Variants in DRAXIN observed in about 807,000 individuals in gnomAD.
DRAXIN encodes dorsal inhibitory axon guidance protein.
DRAXIN carries 27 observed loss-of-function variants against 33.9 expected under a neutral mutation model. The ratio of observed to expected loss-of-function variants is 0.80; its 90% confidence interval spans 0.59 to 1.10. The LOEUF (loss-of-function observed/expected upper bound fraction) is 1.10, where lower values mean the gene tolerates loss of function less well. Among genes scored for constraint, DRAXIN ranks in the 50% least tolerant of loss-of-function variants. The probability of loss-of-function intolerance (pLI) is 0.00; values close to 1 mark genes in which losing one functional copy is unlikely to be tolerated. For synonymous variants in DRAXIN, 178 were observed against 194.0 expected (o/e 0.92, Z 0.69); for missense variants, 371 against 460.8 (o/e 0.81, Z 1.78).
chr1:11,687,193 A>G (rs972213816), upstream of DRAXIN, among the ~76,000 whole-genome samples: 3 of 152,038 alleles, frequency 2.0e-5, no homozygotes, highest in Admixed American at 1.3e-4. This position sits in a 1 kb window ranked among gnomAD's most constrained non-coding sequence, Gnocchi z 4.1. Context: ...AGCCTCCCCA[A>G]TAGCTGGGGC....
At chr1:11,702,104 C>G (rs899774277) in intron 1 of DRAXIN, among the ~76,000 whole-genome samples, 1 of 150,046 alleles carries the variant, frequency 6.7e-6, no homozygotes, top group Non-Finnish European at 1.5e-5. Flanking sequence ...CTCTCACACA[C>G]GCGAGTTCAC....
rs553811597 is a variant in DRAXIN, at chr1:11,711,809, G to A, written c.643-42G>A. The A allele has an allele frequency of 4.9e-5, 76 of 1,562,994 alleles. 2 individuals are homozygous for A. In the South Asian group the frequency reaches 7.3e-4, roughly 15 times the overall value. ...TGGGACTCCACACTCCTGCTTCCAT[G>A]GATTTGAAGGTTCCAACATCCCCCT... On this transcript the variant is annotated intron_variant, in intron 3 of 6. Transcript: ENST00000294485.
chr1:11,698,480 T>C (rs1399290650), intron 1 of DRAXIN, among the ~76,000 whole-genome samples: 1 of 152,176 alleles, frequency 6.6e-6, no homozygotes, highest in East Asian at 1.9e-4. Flanking sequence ...ACTGCCCATC[T>C]CCAATTCCTG....
At chr1:11,714,788 C>T (rs1641549454) in intron 5 of DRAXIN, among the ~76,000 whole-genome samples, 1 of 152,206 alleles carries the variant, frequency 6.6e-6, no homozygotes, top group Non-Finnish European at 1.5e-5. Context: ...TCCTGAGGCC[C>T]CTCCCAGCTC....
chr1:11,700,993 G>T (rs1210392195), intron 1 of DRAXIN, among the ~76,000 whole-genome samples: 1 of 152,192 alleles, frequency 6.6e-6, no homozygotes, highest in African/African-American at 2.4e-5. Context: ...GGGGGGAGGG[G>T]CTCAGGAATC....
chr1:11,706,701 T>C lies in DRAXIN; in HGVS notation c.443T>C (p.Leu148Pro). Residue 148 changes from leucine to proline, a missense_variant, in exon 2 of 7, where the codon CTG becomes CCG. By Grantham distance (98) the Leu-to-Pro change is moderately conservative. Transcript: ENST00000294485. This position sits in a 1 kb window ranked among gnomAD's most constrained non-coding sequence, Gnocchi z 5.5. ...AAGAGACGCAGGGACAGGTTGAGGC[T>C]GCACCAAGGTAGCTGGAGGGCTGCG... ...EHKRRRDRLR[L>P]HQGRALVRGP... is the part of the protein sequence containing the mutation. The C allele has an allele frequency of 1.3e-6, 2 of 1,572,830 alleles. No individual in the cohort carries two copies. Among genetic ancestry groups the C allele is most frequent in the Non-Finnish European group, 1.7e-6 (2 of 1,163,502 alleles).
At chr1:11,702,065 T>C (rs532358363) in intron 1 of DRAXIN, among the ~76,000 whole-genome samples, 99 of 150,278 alleles carry the variant, frequency 6.6e-4, no homozygotes, top group African/African-American at 2.3e-3. Context: ...TGCACACACA[T>C]ACGCTCACAC....
At chr1:11,707,546 G>T (rs532490713) in intron 2 of DRAXIN, among the ~76,000 whole-genome samples, 6 of 152,188 alleles carry the variant, frequency 3.9e-5, no homozygotes, top group Non-Finnish European at 8.8e-5. Context: ...TTAGTGGGGC[G>T]CTTGGAGCTC....
rs542960104 is a variant in DRAXIN at position 11,725,766 on chromosome 1, G to C, written c.*6070G>C. On this transcript the variant is annotated 3_prime_UTR_variant, in exon 7 of 7. Coordinates refer to ENST00000294485, the MANE Select transcript of DRAXIN (RefSeq NM_198545.4). ...CCTTTTTAAAGTTGGGGAGCGGCAG[G>C]GGGAGGGGGAAGTGCCACGCCCTTG... 1.2e-4 allele frequency: 18 copies of C among 152,298 alleles called. No homozygotes were observed. The highest frequency in any genetic ancestry group is 3.9e-4 in the East Asian group (2 of 5,184). The allele number at this position is 152,298 out of a possible 1,614,324, so 9.4% of individuals were successfully genotyped here.
chr1:11,687,803 C>T (rs1346832174), upstream of DRAXIN, among the ~76,000 whole-genome samples: 1 of 152,224 alleles, frequency 6.6e-6, no homozygotes, highest in African/African-American at 2.4e-5. The surrounding 1 kb of genome is among the most constrained non-coding windows in gnomAD (Gnocchi z 4.1). Flanking sequence ...ATTGATACTT[C>T]ATTCCTTCGT....
At chr1:11,702,440 CCTA>C (rs1349288079) in intron 1 of DRAXIN, among the ~76,000 whole-genome samples, 4 of 151,694 alleles carry the variant, frequency 2.6e-5, no homozygotes, top group Admixed American at 2.6e-4. Flanking sequence ...TGCTAACACT[CCTA>C]CACACTCACA....
At chr1:11,718,031 C>T (rs974532595) in intron 6 of DRAXIN, among the ~76,000 whole-genome samples, 7 of 133,336 alleles carry the variant, frequency 5.2e-5, no homozygotes, top group Non-Finnish European at 8.0e-5. Flanking sequence ...AGGCCCGGCA[C>T]GGTGGCTCAT....
upstream of DRAXIN, among the ~76,000 whole-genome samples, chr1:11,689,966 G>C (rs1193144458): frequency 6.6e-6 from 1 of 151,702 alleles, no homozygotes; most frequent in East Asian, 1.9e-4. Context: ...TGGCTCTTCT[G>C]CTTGCAAGTC....
At position 11,704,330 on chromosome 1, in the gene DRAXIN, G is replaced by A. The variant is rs541273550; in HGVS notation, c.-10-1919G>A. Among the ~76,000 whole-genome samples the A allele has an allele frequency of 1.2e-3, 176 of 152,316 alleles. No individual in the cohort carries two copies. Among genetic ancestry groups the A allele is most frequent in the Middle Eastern group, 3.4e-3 (1 of 294 alleles). Reference sequence around the variant, plus strand: ...CTTGGCCTTTCCAGTCACAAGGAGAGCAGGGGGTGAAGTCTGGCAGTGGTC... The same window carrying A: ...CTTGGCCTTTCCAGTCACAAGGAGAACAGGGGGTGAAGTCTGGCAGTGGTC... On this transcript the variant is annotated intron_variant, in intron 1 of 6. Coordinates refer to ENST00000294485, the MANE Select transcript of DRAXIN (RefSeq NM_198545.4). This position sits in a 1 kb window ranked among gnomAD's most constrained non-coding sequence, Gnocchi z 4.6.
Position 11,712,410 on chromosome 1 carries a change from T to C in DRAXIN, c.828T>C (p.His276=). The C allele has an allele frequency of 6.2e-7, 1 of 1,613,948 alleles. No homozygotes were observed. Among genetic ancestry groups the C allele is most frequent in the Non-Finnish European group, 8.5e-7 (1 of 1,179,954 alleles). ...CAGCCGAAGGGGAACCATGCGACCA[T>C]CACCAAGACTGCCTGCCAGGTACCA... ...TSPAEGEPCD[H]HQDCLPGTCC... The change falls in exon 5 of 7, where the codon CAT becomes CAC. Residue 276 remains histidine (H), a synonymous_variant. Coordinates refer to ENST00000294485, the MANE Select transcript of DRAXIN (RefSeq NM_198545.4).
chr1:11,717,499 T>G (rs936474281), intron 6 of DRAXIN, among the ~76,000 whole-genome samples: 1 of 149,820 alleles, frequency 6.7e-6, no homozygotes, highest in African/African-American at 2.5e-5. Flanking sequence ...CCATCTCTAC[T>G]AAAAATACAA....
At position 11,722,723 on chromosome 1, in the gene DRAXIN, A is replaced by G. The variant is rs187105491; in HGVS notation, c.*3027A>G. 4.2e-3 allele frequency: 650 copies of G among 154,370 alleles called. 7 individuals are homozygous for G. Among genetic ancestry groups the G allele is most frequent in the African/African-American group, 0.015 (616 of 41,632 alleles). 9.6% of individuals were successfully genotyped at this position (154,370 alleles called of 1,614,324 possible). On this transcript the variant is annotated 3_prime_UTR_variant, in exon 7 of 7. Coordinates refer to ENST00000294485, the MANE Select transcript of DRAXIN (RefSeq NM_198545.4). ...CTGCCGTAGCTCGAAGCAGCCACAGAGAGTGTGTAAATGAATTCATGGCTA... is the reference window on the plus strand; with the variant it reads ...CTGCCGTAGCTCGAAGCAGCCACAGGGAGTGTGTAAATGAATTCATGGCTA...
intron 3 of DRAXIN, among the ~76,000 whole-genome samples, chr1:11,710,764 A>C (rs544042621): frequency 6.5e-4 from 98 of 150,074 alleles, no homozygotes; most frequent in Non-Finnish European, 1.1e-3. Flanking sequence ...AATACAAAAA[A>C]AAAAAAAAAA....
At position 11,712,370 on chromosome 1, in the gene DRAXIN, G is replaced by T; in HGVS notation, c.788G>T (p.Gly263Val). The T allele has an allele frequency of 1.2e-6, 2 of 1,614,082 alleles. No individual in the cohort carries two copies. Among genetic ancestry groups the T allele is most frequent in the Non-Finnish European group, 1.7e-6 (2 of 1,180,018 alleles). The change falls in exon 5 of 7, where the codon GGT becomes GTT. Residue 263 changes from glycine to valine, a missense_variant. Transcript: ENST00000294485. Reference protein sequence around the residue: ...EKHRGKLSSDGNETSPAEGEP... With the variant: ...EKHRGKLSSDVNETSPAEGEP... ...CACCGCGGTAAACTCTCCAGTGATG[G>T]TAACGAAACATCACCAGCCGAAGGG...
Sources: allele counts gnomAD v4.1 joint callset (sites outside exome capture counted in the v4.1 genomes callset), GRCh38; gene constraint gnomAD v4.1.1; non-coding constraint Gnocchi (gnomAD v3.1); transcripts MANE v1.5; gene names NCBI Gene and HGNC (gene_info 2026-07-23, HGNC 2026-07-21).